The following B4GALNT3 variants were observed in gnomAD, a reference collection of about 807,000 sequenced individuals.
The protein encoded by B4GALNT3 is beta-1,4-N-acetylgalactosaminyltransferase 3.
In B4GALNT3, 86 loss-of-function variants were observed where a neutral mutation model predicts 120.2. The observed-to-expected ratio is 0.72, with a 90% CI of 0.60 to 0.86. The LOEUF is 0.86. Ranked by LOEUF, B4GALNT3 falls within the 40% of genes least tolerant of loss-of-function variation. The pLI is 0.00. For missense variants in B4GALNT3, 1,167 were observed against 1,298.9 expected, an observed-to-expected ratio of 0.90 and a Z score of 1.56; for synonymous variants, 518 against 510.4, an observed-to-expected ratio of 1.01 and a Z score of -0.20.
At chr12:554,221 C>T (rs762831390) in intron 14 of B4GALNT3, among the ~76,000 whole-genome samples, 6 of 152,374 alleles carry the variant, frequency 3.9e-5, no homozygotes, top group Admixed American at 3.9e-4. Context: ...CCCTGGGTGC[C>T]TGGCCCAGTA....
chr12:475,118 G>A (rs1190602828), intron 1 of B4GALNT3, among the ~76,000 whole-genome samples: 1 of 151,970 alleles, frequency 6.6e-6, no homozygotes, highest in African/African-American at 2.4e-5. Context: ...TATCTAAAAA[G>A]AAAGAAAAGA....
rs561051504 is a variant in B4GALNT3, at chr12:553,490, A to G, written c.1567A>G (p.Ser523Gly). 2 of 1,614,154 alleles carry G rather than the reference A, an allele frequency of 1.2e-6. No individual in the cohort carries two copies. The highest frequency in any genetic ancestry group is 1.7e-5 in the Admixed American group (1 of 60,036). Residue 523 changes from serine to glycine, a missense_variant, in exon 14 of 20, where the codon AGC becomes GGC. By Grantham distance (56) the Ser-to-Gly change is moderately conservative. Coordinates refer to ENST00000266383, the MANE Select transcript of B4GALNT3 (RefSeq NM_173593.4). ...KRKQKPSPEP[S>G]QDSPHSDKWP... is the part of the protein sequence containing the mutation. ...GAAGCAAAAACCCAGCCCTGAGCCC[A>G]GCCAAGATTCACCTCATTCCGACAA...
At chr12:496,424 A>G (rs1946387818) in intron 1 of B4GALNT3, among the ~76,000 whole-genome samples, 1 of 152,060 alleles carries the variant, frequency 6.6e-6, no homozygotes, top group Admixed American at 6.6e-5. Flanking sequence ...ACATGGTGAA[A>G]CCCCGTATCT....
chr12:527,630 G>A (rs1013677546), intron 1 of B4GALNT3, among the ~76,000 whole-genome samples: 4 of 130,672 alleles, frequency 3.1e-5, no homozygotes, highest in African/African-American at 6.5e-5. Flanking sequence ...ACCTTTCTGC[G>A]GCTCCTCACT....
At chr12:471,412 A>G (rs1946134478) in intron 1 of B4GALNT3, among the ~76,000 whole-genome samples, 1 of 141,578 alleles carries the variant, frequency 7.1e-6, no homozygotes, top group Non-Finnish European at 1.5e-5. Context: ...ATAAATAAAT[A>G]AATAAATAAA....
At chr12:478,692 A>C (rs1946207761) in intron 1 of B4GALNT3, among the ~76,000 whole-genome samples, 1 of 152,224 alleles carries the variant, frequency 6.6e-6, no homozygotes, top group African/African-American at 2.4e-5. Flanking sequence ...TATCTCTAAG[A>C]AGGTTGGGAA....
chr12:462,853 C>G (rs1285966016), intron 1 of B4GALNT3, among the ~76,000 whole-genome samples: 1 of 152,162 alleles, frequency 6.6e-6, no homozygotes, highest in Non-Finnish European at 1.5e-5. Context: ...CATCAAAGTT[C>G]CCTCTTTTCC....
chr12:510,638 G>A (rs1286848823), intron 1 of B4GALNT3, among the ~76,000 whole-genome samples: 7 of 151,528 alleles, frequency 4.6e-5, no homozygotes, highest in Admixed American at 4.6e-4. Context: ...TTGGGTATGA[G>A]AGGGAGGGGC....
intron 1 of B4GALNT3, 128 bp from the exon 2 acceptor site, chr12:535,038 T>A: frequency 1.4e-6 from 1 of 714,616 alleles, no homozygotes; most frequent in Non-Finnish European, 2.2e-6. Context: ...CCCAGCCCTC[T>A]TCCCACCCAC....
At chr12:523,385 G>A (rs552645724) in intron 1 of B4GALNT3, among the ~76,000 whole-genome samples, 1 of 152,312 alleles carries the variant, frequency 6.6e-6, no homozygotes, top group Admixed American at 6.5e-5. Flanking sequence ...CTGAAGCGTG[G>A]ATGTGTTGAA....
At chr12:552,222 G>A (rs1410556074) in intron 12 of B4GALNT3, 59 bp downstream of exon 12, 1 of 1,460,326 alleles carries the variant, frequency 6.8e-7, no homozygotes, top group African/African-American at 1.4e-5. Flanking sequence ...CGGGAGCCAG[G>A]AGAGCTGCCT....
At chr12:479,312 C>G (rs1055523847) in intron 1 of B4GALNT3, among the ~76,000 whole-genome samples, 2 of 152,098 alleles carry the variant, frequency 1.3e-5, no homozygotes, top group African/African-American at 2.4e-5. Flanking sequence ...GCCAGAGTAG[C>G]TGGGTTACAA....
chr12:512,575 ACCTTCTT>A lies in B4GALNT3; in HGVS notation c.170-22588_170-22582del, dbSNP rs1384004500. Among the ~76,000 whole-genome samples, 4 of 94,320 alleles carry A rather than the reference ACCTTCTT, an allele frequency of 4.2e-5. No individual in the cohort carries two copies. The Admixed American group carries it at 4.5e-4, about 11-fold the overall frequency. 61.9% of individuals were successfully genotyped at this position (94,320 alleles called of 152,430 possible). On this transcript the variant is annotated intron_variant, in intron 1 of 19. Transcript: ENST00000266383. Reference sequence around the variant, plus strand: ...TTCGACCTTCCACCTTCCACCTTCCACCTTCTTCCACCTTCGAGCTTCCACCTTCCAC... The same window carrying A: ...TTCGACCTTCCACCTTCCACCTTCCACCACCTTCGAGCTTCCACCTTCCAC...
intron 1 of B4GALNT3, among the ~76,000 whole-genome samples, chr12:490,714 C>T (rs971106818): frequency 2.2e-4 from 31 of 141,112 alleles, no homozygotes; most frequent in African/African-American, 8.2e-4. Context: ...GGTGACAGAG[C>T]GAGACACTGT....
At position 561,809 on chromosome 12, in the gene B4GALNT3, G is replaced by A. The variant is rs34979622; in HGVS notation, c.*358G>A. 104,670 of 198,612 alleles carry A rather than the reference G, an allele frequency of 0.53. 28,980 individuals carry two copies. Among genetic ancestry groups the A allele is most frequent in the South Asian group, 0.64 (6,434 of 9,988 alleles). The allele number at this position is 198,612 out of a possible 1,614,324, so 12.3% of individuals were successfully genotyped here. ...CCCACATCCCCCAAGCGCTCCTCAC[G>A]CCAAGCGCTGACCACCAGACCCTCT... On this transcript the variant is annotated 3_prime_UTR_variant, in exon 20 of 20. Coordinates refer to ENST00000266383, the MANE Select transcript of B4GALNT3 (RefSeq NM_173593.4).
intron 1 of B4GALNT3, among the ~76,000 whole-genome samples, chr12:503,200 C>G (rs928167734): frequency 6.6e-6 from 1 of 152,134 alleles, no homozygotes; most frequent in Admixed American, 6.6e-5. Context: ...GGATTGTGAG[C>G]GTGTGCGCAG....
chr12:561,284 G>A (rs1388255940), intron 19 of B4GALNT3, 59 bp from the exon 20 acceptor site: 5 of 1,394,354 alleles, frequency 3.6e-6, no homozygotes, highest in Non-Finnish European at 5.1e-6. Context: ...TCGATGGGGA[G>A]GGGCCCCCCA....
intron 1 of B4GALNT3, among the ~76,000 whole-genome samples, chr12:494,208 G>C (rs1342391135): frequency 6.6e-6 from 1 of 151,522 alleles, no homozygotes; most frequent in East Asian, 1.9e-4. Flanking sequence ...AGCCCGGAAG[G>C]TCAAGGCTGC....
At chr12:463,487 G>A (rs1946045161) in intron 1 of B4GALNT3, among the ~76,000 whole-genome samples, 1 of 152,212 alleles carries the variant, frequency 6.6e-6, no homozygotes, top group Admixed American at 6.5e-5. Flanking sequence ...CATACCTCGA[G>A]CCAGGCATTG....
Sources: gnomAD v4.1 joint callset for allele counts (sites outside exome capture counted in the v4.1 genomes callset) on GRCh38, gnomAD v4.1.1 for gene constraint, MANE v1.5 for transcripts, NCBI Gene and HGNC (gene_info 2026-07-23, HGNC 2026-07-21) for gene names.